The following CTNNA2 variants were observed in gnomAD, a reference collection of about 807,000 sequenced individuals.
The protein encoded by CTNNA2 is catenin alpha 2, also known as catenin alpha-2.
In CTNNA2, 42 loss-of-function variants were observed where a neutral mutation model predicts 101.0. That is an observed-to-expected ratio of 0.42 (90% CI 0.32 to 0.54). The LOEUF is 0.54. Among genes scored for constraint, CTNNA2 ranks in the 20% least tolerant of loss-of-function variants. The pLI, the probability that CTNNA2 is intolerant of heterozygous loss-of-function variation, is 0.14. For missense variants in CTNNA2, 871 were observed against 1,223.1 expected (o/e 0.71, Z 4.29); for synonymous variants, 450 against 456.4 (o/e 0.99, Z 0.18).
chr2:79,929,253 A>G (rs952344223), intron 7 of CTNNA2, among the ~76,000 whole-genome samples: 22 of 152,216 alleles, frequency 1.4e-4, no homozygotes, highest in Non-Finnish European at 3.2e-4. Flanking sequence ...GAGAGTAACC[A>G]GACAGGTAGG....
intron 7 of CTNNA2, among the ~76,000 whole-genome samples, chr2:80,313,832 A>G (rs1397693160): frequency 2.0e-5 from 3 of 152,236 alleles, no homozygotes; most frequent in Admixed American, 6.5e-5. Flanking sequence ...GCAGACTACC[A>G]TATCTTCCCA....
chr2:80,361,700 C>G (rs911395812), intron 7 of CTNNA2, among the ~76,000 whole-genome samples: 1 of 152,082 alleles, frequency 6.6e-6, no homozygotes, highest in African/African-American at 2.4e-5. Context: ...GAGGCCAGGC[C>G]TGAACTCCAT....
chr2:80,257,088 T>G (rs1475505159), intron 7 of CTNNA2, among the ~76,000 whole-genome samples: 3 of 152,132 alleles, frequency 2.0e-5, no homozygotes, highest in Non-Finnish European at 2.9e-5. Context: ...TCTGGAAAGT[T>G]CTGAGGATCC....
At chr2:80,176,448 T>C (rs56669333) in intron 7 of CTNNA2, among the ~76,000 whole-genome samples, 33,595 of 152,222 alleles carry the variant, frequency 0.22, 5,593 homozygotes, top group African/African-American at 0.46. Flanking sequence ...AATTACCATC[T>C]TTGTTTCTGC....
chr2:79,534,734 TACA>T (rs1039721728), intron 1 of CTNNA2, among the ~76,000 whole-genome samples: 2 of 152,114 alleles, frequency 1.3e-5, no homozygotes, highest in Non-Finnish European at 2.9e-5. Flanking sequence ...GTTTCTGAAA[TACA>T]ACATTTTTCT....
intron 9 of CTNNA2, among the ~76,000 whole-genome samples, chr2:80,502,398 T>C (rs1286298055): frequency 6.6e-6 from 1 of 152,226 alleles, no homozygotes; most frequent in Non-Finnish European, 1.5e-5. Context: ...GAGTCCTCTC[T>C]GCAGATGCAC....
intron 2 of CTNNA2, among the ~76,000 whole-genome samples, chr2:79,299,015 C>T (rs142178107): frequency 2.0e-5 from 3 of 152,202 alleles, no homozygotes; most frequent in Non-Finnish European, 4.4e-5. Context: ...AACAATTTAT[C>T]ATCATTAAGT....
intron 2 of CTNNA2, among the ~76,000 whole-genome samples, chr2:79,735,774 C>T (rs1670830471): frequency 6.6e-6 from 1 of 152,242 alleles, no homozygotes; most frequent in South Asian, 2.1e-4. Flanking sequence ...TTTCAGAAAG[C>T]TGGTCTTCCA....
chr2:80,370,193 T>A (rs1675313174), intron 7 of CTNNA2, among the ~76,000 whole-genome samples: 1 of 152,064 alleles, frequency 6.6e-6, no homozygotes, highest in South Asian at 2.1e-4. Flanking sequence ...GTAGGAGAAC[T>A]CAGTGCAGCC....
intron 7 of CTNNA2, among the ~76,000 whole-genome samples, chr2:79,916,747 C>T (rs1458948106): frequency 2.0e-5 from 3 of 151,756 alleles, no homozygotes; most frequent in Non-Finnish European, 4.4e-5. Context: ...CTCAGCCTCC[C>T]GAGTAGCTGG....
chr2:80,481,959 T>C (rs2149500985), intron 9 of CTNNA2, among the ~76,000 whole-genome samples: 1 of 152,254 alleles, frequency 6.6e-6, no homozygotes, highest in East Asian at 1.9e-4. Context: ...GAACCAAGTT[T>C]AGATGGCCAT....
In CTNNA2 at chr2:80,004,708, T is replaced by TATCC. The variant is rs1553427270; in HGVS notation, c.1056+94920_1056+94923dup. Among the ~76,000 whole-genome samples the TATCC allele has an allele frequency of 1.3e-3, 168 of 133,816 alleles. 1 individual carries two copies. Among genetic ancestry groups the TATCC allele is most frequent in the African/African-American group, 4.3e-3 (158 of 36,882 alleles). 87.8% of individuals were successfully genotyped at this position (133,816 alleles called of 152,430 possible). ...TTATTTATTTATTTATTTATTTATT[T>TATCC]ATCCATCCATCCGAGATGGAGTCTT... On this transcript the variant is annotated intron_variant, in intron 7 of 18. Coordinates refer to ENST00000402739, the MANE Select transcript of CTNNA2 (RefSeq NM_001282597.3).
At chr2:80,468,705 T>C (rs986563281) in intron 9 of CTNNA2, among the ~76,000 whole-genome samples, 1 of 152,182 alleles carries the variant, frequency 6.6e-6, no homozygotes, top group Admixed American at 6.5e-5. Flanking sequence ...TGTGAGCCAC[T>C]GTGCCCGGCC....
At chr2:79,365,017 C>A (rs1318202763) in intron 3 of CTNNA2, among the ~76,000 whole-genome samples, 1 of 152,076 alleles carries the variant, frequency 6.6e-6, no homozygotes, top group Non-Finnish European at 1.5e-5. Context: ...TGGCTTATGC[C>A]TGTAATTCAA....
chr2:79,405,741 A>T (rs2084747), intron 4 of CTNNA2, among the ~76,000 whole-genome samples: 66,954 of 151,874 alleles, frequency 0.44, 15,138 homozygotes, highest in Non-Finnish European at 0.49. Context: ...TCAGGGTAAT[A>T]AGTATATTCA....
chr2:80,434,682 G>T (rs1681873584), intron 9 of CTNNA2, among the ~76,000 whole-genome samples: 1 of 151,844 alleles, frequency 6.6e-6, no homozygotes, highest in Non-Finnish European at 1.5e-5. Context: ...GCCTAGGCTG[G>T]TCTGGAACTC....
chr2:80,182,053 T>G (rs1705819983), intron 7 of CTNNA2, among the ~76,000 whole-genome samples: 1 of 152,096 alleles, frequency 6.6e-6, no homozygotes, highest in Non-Finnish European at 1.5e-5. Flanking sequence ...GAAAGGGAGT[T>G]TATTAAGGCA....
chr2:80,195,613 T>TG (rs149571442), intron 7 of CTNNA2, among the ~76,000 whole-genome samples: 2 of 119,082 alleles, frequency 1.7e-5, no homozygotes, highest in Non-Finnish European at 3.3e-5. Flanking sequence ...CCAAAACATC[T>TG]TTTTTTTTTT....
chr2:79,931,840 T>A (rs948016963), intron 7 of CTNNA2, among the ~76,000 whole-genome samples: 2 of 152,138 alleles, frequency 1.3e-5, no homozygotes, highest in Non-Finnish European at 2.9e-5. Flanking sequence ...AGGCTCCTAA[T>A]CCAAACATGG....
Sources: gnomAD v4.1 joint callset for allele counts (sites outside exome capture counted in the v4.1 genomes callset) on GRCh38, gnomAD v4.1.1 for gene constraint, MANE v1.5 for transcripts, NCBI Gene and HGNC (gene_info 2026-07-23, HGNC 2026-07-21) for gene names.